HPSE2: variants seen among roughly 807,000 people sequenced by gnomAD.
HPSE2 encodes the protein heparanase 2 (inactive).
Under a neutral mutation model 60.5 loss-of-function variants are expected in HPSE2, and 38 were observed. That is an observed-to-expected ratio of 0.63 (90% CI 0.48 to 0.82). The LOEUF (loss-of-function observed/expected upper bound fraction) is 0.82, where lower values mean the gene tolerates loss of function less well. Ranked by LOEUF, HPSE2 falls within the 40% of genes least tolerant of loss-of-function variation. The pLI is 0.00. For missense variants in HPSE2, 713 were observed against 740.4 expected (o/e 0.96, Z 0.43); for synonymous variants, 295 against 293.2 (o/e 1.01, Z -0.06).
the HPSE2 span, among the ~76,000 whole-genome samples, chr10:99,289,743 C>T: frequency 1.1e-4 from 16 of 152,066 alleles, no homozygotes; most frequent in South Asian, 1.2e-3. Flanking sequence ...TTATTTTAAC[C>T]GACACTCAAG....
chr10:98,743,063 C>A (rs1949541423), intron 4 of HPSE2, among the ~76,000 whole-genome samples: 2 of 150,236 alleles, frequency 1.3e-5, no homozygotes, highest in African/African-American at 4.9e-5. Flanking sequence ...ACCTTCGCCT[C>A]CTGGGTTCAA....
At chr10:99,190,163 T>C (rs1038540559) in intron 2 of HPSE2, among the ~76,000 whole-genome samples, 1 of 152,230 alleles carries the variant, frequency 6.6e-6, no homozygotes, top group Non-Finnish European at 1.5e-5. Flanking sequence ...GGCATTGTGC[T>C]AATACTTTAC....
At chr10:98,918,272 G>A (rs1455259056) in intron 3 of HPSE2, among the ~76,000 whole-genome samples, 2 of 151,988 alleles carry the variant, frequency 1.3e-5, no homozygotes, top group Non-Finnish European at 2.9e-5. Flanking sequence ...TCAGTGTGGC[G>A]ATTCCTCAGG....
chr10:98,856,758 T>C (rs1015109706), intron 3 of HPSE2, among the ~76,000 whole-genome samples: 1 of 152,164 alleles, frequency 6.6e-6, no homozygotes, highest in Non-Finnish European at 1.5e-5. Context: ...TTCAAAAATA[T>C]GAAAGAGAAA....
intron 2 of HPSE2, among the ~76,000 whole-genome samples, chr10:99,189,247 T>C (rs1848136410): frequency 6.6e-6 from 1 of 152,240 alleles, no homozygotes; most frequent in Non-Finnish European, 1.5e-5. Context: ...CTTCTGCATG[T>C]CTCATGGATA....
chr10:98,872,078 A>G (rs1048768097), intron 3 of HPSE2, among the ~76,000 whole-genome samples: 1 of 152,030 alleles, frequency 6.6e-6, no homozygotes, highest in Non-Finnish European at 1.5e-5. Context: ...CACTGTATCC[A>G]CCATTTAGGC....
rs1325776626 is a variant in HPSE2 at position 98,641,958 on chromosome 10, T to C, written c.1005-18A>G. On this transcript the variant is annotated intron_variant, in intron 6 of 11. Transcript: ENST00000370552. ...TGTAGCAACTGGAATAAAAATAAAA[T>C]AAGAATCAGATAAAATCTCAAGCAA... 2 of 1,592,066 alleles carry C rather than the reference T, an allele frequency of 1.3e-6. No homozygotes were observed. Among genetic ancestry groups the C allele is most frequent in the Non-Finnish European group, 1.7e-6 (2 of 1,160,944 alleles).
intron 9 of HPSE2, among the ~76,000 whole-genome samples, chr10:98,494,935 G>T (rs1226295592): frequency 2.0e-5 from 3 of 152,090 alleles, no homozygotes; most frequent in Admixed American, 6.5e-5. Context: ...TTACAATAAT[G>T]CCAGCTTGTA....
chr10:99,195,883 A>T (rs965343354), intron 2 of HPSE2, among the ~76,000 whole-genome samples: 2 of 152,152 alleles, frequency 1.3e-5, no homozygotes, highest in African/African-American at 4.8e-5. Flanking sequence ...GAACCACAAA[A>T]GACCAAGAAT....
intron 3 of HPSE2, among the ~76,000 whole-genome samples, chr10:98,789,578 A>G (rs1950612354): frequency 1.3e-5 from 2 of 152,234 alleles, no homozygotes; most frequent in Admixed American, 6.5e-5. Context: ...TTGGACCTTT[A>G]TAGCCCCATC....
At chr10:98,603,470 G>T (rs940913290) in intron 9 of HPSE2, among the ~76,000 whole-genome samples, 1 of 142,392 alleles carries the variant, frequency 7.0e-6, no homozygotes, top group Non-Finnish European at 1.5e-5. Context: ...TTGCTCTGTC[G>T]CCAGGCTGGA....
At chr10:99,246,067 A>T in the HPSE2 span, among the ~76,000 whole-genome samples, 1 of 152,276 alleles carries the variant, frequency 6.6e-6, no homozygotes, top group Non-Finnish European at 1.5e-5. Context: ...GTTAAACAAT[A>T]TATTTTACAA....
At chr10:98,981,639 A>G (rs1956208760) in intron 3 of HPSE2, among the ~76,000 whole-genome samples, 1 of 152,074 alleles carries the variant, frequency 6.6e-6, no homozygotes. Flanking sequence ...TAATAACTCT[A>G]TTTCAGAAAT....
At chr10:98,696,952 C>T (rs945804855) in intron 5 of HPSE2, among the ~76,000 whole-genome samples, 5 of 152,118 alleles carry the variant, frequency 3.3e-5, no homozygotes, top group Middle Eastern at 3.2e-3. Context: ...GCAAAAACAA[C>T]AGCATCAACA....
chr10:98,523,094 A>G (rs1564938092), intron 9 of HPSE2, among the ~76,000 whole-genome samples: 1 of 149,134 alleles, frequency 6.7e-6, no homozygotes, highest in Non-Finnish European at 1.5e-5. Context: ...CAACCATTGG[A>G]AAGGTTTTGT....
chr10:98,770,787 T>C (rs1284075294), intron 3 of HPSE2, among the ~76,000 whole-genome samples: 1 of 152,124 alleles, frequency 6.6e-6, no homozygotes, highest in African/African-American at 2.4e-5. Context: ...CTCAATCTAC[T>C]GCAAGTAACA....
chr10:99,044,473 G>A (rs183636474), intron 3 of HPSE2, among the ~76,000 whole-genome samples: 215 of 152,224 alleles, frequency 1.4e-3, no homozygotes, highest in African/African-American at 4.9e-3. Context: ...ACCAGCTAAC[G>A]ACATAATGGC....
intron 6 of HPSE2, among the ~76,000 whole-genome samples, chr10:98,681,794 T>C (rs1430523919): frequency 9.2e-5 from 14 of 152,214 alleles, no homozygotes; most frequent in Admixed American, 9.2e-4. Context: ...TATAAAATAA[T>C]GTCACTCTTG....
At chr10:98,877,767 G>T (rs1435370895) in intron 3 of HPSE2, among the ~76,000 whole-genome samples, 1 of 151,846 alleles carries the variant, frequency 6.6e-6, no homozygotes. Context: ...ATTTGCCCAG[G>T]CCTGTGTTCT....
Sources: allele counts gnomAD v4.1 joint callset (sites outside exome capture counted in the v4.1 genomes callset), GRCh38; gene constraint gnomAD v4.1.1; transcripts MANE v1.5; gene names NCBI Gene and HGNC (gene_info 2026-07-23, HGNC 2026-07-21).